The following ADAMTSL1 variants were observed in gnomAD, a reference collection of about 807,000 sequenced individuals.
The protein encoded by ADAMTSL1 is ADAMTS-like protein 1.
Under a neutral mutation model 201.8 loss-of-function variants are expected in ADAMTSL1, and 126 were observed. That is an observed-to-expected ratio of 0.62 (90% CI 0.54 to 0.72). ADAMTSL1 has a LOEUF of 0.72. Ranked by LOEUF, ADAMTSL1 falls within the 30% of genes least tolerant of loss-of-function variation. The pLI, the probability that ADAMTSL1 is intolerant of heterozygous loss-of-function variation, is 0.00. For missense variants in ADAMTSL1, 2,679 were observed against 2,277.8 expected (o/e 1.18, Z -3.59); for synonymous variants, 1,121 against 903.4 (o/e 1.24, Z -4.32).
At chr9:18,320,033 G>C (rs759502229) in intron 2 of ADAMTSL1, among the ~76,000 whole-genome samples, 1 of 152,006 alleles carries the variant, frequency 6.6e-6, no homozygotes, top group South Asian at 2.1e-4. Context: ...TGAAGTGGCC[G>C]CTAGAGTTGA....
At chr9:18,854,758 A>G (rs1279920923) in intron 23 of ADAMTSL1, among the ~76,000 whole-genome samples, 1 of 152,180 alleles carries the variant, frequency 6.6e-6, no homozygotes, top group African/African-American at 2.4e-5. Context: ...AGGGTGGAAG[A>G]ACATGGAAAA....
intron 2 of ADAMTSL1, among the ~76,000 whole-genome samples, chr9:18,204,126 T>C (rs1415648970): frequency 6.6e-6 from 1 of 152,140 alleles, no homozygotes; most frequent in Non-Finnish European, 1.5e-5. Flanking sequence ...CTTTGGACAT[T>C]TTTCATTTAT....
chr9:17,942,738 C>A (rs1293878779), intron 1 of ADAMTSL1, among the ~76,000 whole-genome samples: 1 of 152,138 alleles, frequency 6.6e-6, no homozygotes, highest in Non-Finnish European at 1.5e-5. Context: ...TCTGTGCTGG[C>A]ACCACTCCAA....
Position 17,928,126 on chromosome 9 carries a change from C to T in ADAMTSL1, c.87+21204C>T, listed in dbSNP as rs557351524. ...TCTCCCACCTTAGCCTCCCAAGTAG[C>T]TGGGACTACAGGGATACGCCAACCA... is the stretch of plus-strand genomic sequence containing the variant. On this transcript the variant is annotated intron_variant, in intron 1 of 29. Coordinates refer to the ADAMTSL1 transcript ENST00000680146. 4.6e-5 allele frequency among the ~76,000 whole-genome samples: 7 copies of T among 151,958 alleles called. No individual in the cohort carries two copies. The South Asian group carries it at 6.2e-4, about 14-fold the overall frequency.
At chr9:18,280,130 CTGGCTAGGTACCAGG>C (rs1055151626) in intron 2 of ADAMTSL1, among the ~76,000 whole-genome samples, 3 of 152,006 alleles carry the variant, frequency 2.0e-5, no homozygotes, top group African/African-American at 7.2e-5. Context: ...TCCATGGGAC[CTGGCTAGGTACCAGG>C]TGTGCTTGGA....
intron 21 of ADAMTSL1, 157 bp from the exon 22 acceptor site, chr9:18,826,127 C>T: frequency 1.3e-6 from 1 of 795,326 alleles, no homozygotes; most frequent in Non-Finnish European, 2.0e-6. Flanking sequence ...TCCTACCAGG[C>T]TCTGGACATT....
At chr9:18,826,091 T>C in intron 21 of ADAMTSL1, 193 bp from the exon 22 acceptor site, 1 of 642,450 alleles carries the variant, frequency 1.6e-6, no homozygotes, top group Non-Finnish European at 2.7e-6. Flanking sequence ...TCTGATTCTT[T>C]GGTCACCCTG....
chr9:18,285,387 A>T (rs1009713664), intron 2 of ADAMTSL1, among the ~76,000 whole-genome samples: 1 of 152,126 alleles, frequency 6.6e-6, no homozygotes, highest in African/African-American at 2.4e-5. Context: ...AATATGAGAG[A>T]TAAGAGAGTC....
At chr9:18,441,975 G>A (rs1402384533) in intron 2 of ADAMTSL1, among the ~76,000 whole-genome samples, 4 of 152,142 alleles carry the variant, frequency 2.6e-5, no homozygotes, top group African/African-American at 7.2e-5. Context: ...TCCACTAAAT[G>A]GCTACTTTGG....
chr9:18,072,276 G>A (rs1206310863), intron 1 of ADAMTSL1, among the ~76,000 whole-genome samples: 1 of 152,178 alleles, frequency 6.6e-6, no homozygotes, highest in Non-Finnish European at 1.5e-5. Flanking sequence ...TGCGAAACAT[G>A]ATTTTATGTG....
At chr9:18,835,008 C>T (rs113574486) in intron 23 of ADAMTSL1, among the ~76,000 whole-genome samples, 3 of 152,102 alleles carry the variant, frequency 2.0e-5, no homozygotes, top group African/African-American at 7.2e-5. Flanking sequence ...TTGCTCGAAT[C>T]ATAGGTATAT....
At chr9:18,394,438 TG>T (rs1289091690) in intron 2 of ADAMTSL1, among the ~76,000 whole-genome samples, 2 of 152,132 alleles carry the variant, frequency 1.3e-5, no homozygotes, top group African/African-American at 4.8e-5. Context: ...ACATTGTAAA[TG>T]TAAGACCAAA....
intron 2 of ADAMTSL1, among the ~76,000 whole-genome samples, chr9:18,431,508 T>C (rs1228153053): frequency 6.6e-6 from 1 of 152,166 alleles, no homozygotes; most frequent in Non-Finnish European, 1.5e-5. Flanking sequence ...AATTAATATA[T>C]AGGACTCTAT....
At chr9:18,902,140 G>C (rs1177336387) in intron 26 of ADAMTSL1, among the ~76,000 whole-genome samples, 1 of 152,074 alleles carries the variant, frequency 6.6e-6, no homozygotes, top group Non-Finnish European at 1.5e-5. Context: ...AGAATTGATG[G>C]GAGAAATAAT....
At chr9:18,449,316 A>G (rs1303266946) in intron 2 of ADAMTSL1, among the ~76,000 whole-genome samples, 1 of 151,342 alleles carries the variant, frequency 6.6e-6, no homozygotes, top group Non-Finnish European at 1.5e-5. Flanking sequence ...AAAAATCTAA[A>G]TAGCTTGACA....
intron 2 of ADAMTSL1, among the ~76,000 whole-genome samples, chr9:18,200,467 G>C (rs555858346): frequency 4.6e-4 from 70 of 151,972 alleles, no homozygotes; most frequent in Non-Finnish European, 9.0e-4. Context: ...AAAAACTTCA[G>C]GCATCATTAC....
At chr9:18,842,388 C>G (rs1418442585) in intron 23 of ADAMTSL1, among the ~76,000 whole-genome samples, 1 of 152,140 alleles carries the variant, frequency 6.6e-6, no homozygotes, top group African/African-American at 2.4e-5. Flanking sequence ...TTTGATTGCA[C>G]TGTGGTCTGA....
chr9:18,556,546 A>C (rs1364569185), intron 3 of ADAMTSL1, among the ~76,000 whole-genome samples: 1 of 152,000 alleles, frequency 6.6e-6, no homozygotes, highest in Non-Finnish European at 1.5e-5. Flanking sequence ...AATACTATTC[A>C]GGATGAGGCT....
chr9:18,045,821 G>A lies in ADAMTSL1; in HGVS notation c.88-118041G>A, dbSNP rs147018220. On this transcript the variant is annotated intron_variant, in intron 1 of 29. Transcript: ENST00000680146. ...CTCACTTGGTGCCTTTATTTTCTGT[G>A]TGACAGTGACACAACAAAGTTCCAA... 2.0e-3 allele frequency among the ~76,000 whole-genome samples: 311 copies of A among 151,882 alleles called. 1 individual carries two copies. Among genetic ancestry groups the A allele is most frequent in the African/African-American group, 7.0e-3 (288 of 41,432 alleles).
Sources: gnomAD v4.1 joint callset for allele counts (sites outside exome capture counted in the v4.1 genomes callset) on GRCh38, gnomAD v4.1.1 for gene constraint, MANE v1.5 for transcripts, NCBI Gene and HGNC (gene_info 2026-07-23, HGNC 2026-07-21) for gene names.